Variants in KSR2 observed in about 807,000 individuals in gnomAD.
The protein encoded by KSR2 is kinase suppressor of ras 2.
A neutral mutation model predicts 107.8 loss-of-function variants in KSR2; 25 were observed. That is an observed-to-expected ratio of 0.23 (90% confidence interval 0.17 to 0.32). KSR2 has a LOEUF of 0.32. Ranked by LOEUF, KSR2 falls within the 10% of genes least tolerant of loss-of-function variation. The pLI is 1.00. For missense variants in KSR2, 887 were observed against 1,268.9 expected (o/e 0.70, Z 4.57); for synonymous variants, 480 against 507.0 (o/e 0.95, Z 0.71).
At chr12:117,740,601 TAGATG>T (rs1260383329) in intron 4 of KSR2, among the ~76,000 whole-genome samples, 1,533 of 119,140 alleles carry the variant, frequency 0.013, 37 homozygotes, top group African/African-American at 0.04. Flanking sequence ...TATACATATA[TAGATG>T]TAAAATATAC....
Position 117,702,955 on chromosome 12 carries a change from G to A in KSR2, c.987-35297C>T, listed in dbSNP as rs538327262. On this transcript the variant is annotated intron_variant, in intron 4 of 19. Coordinates refer to ENST00000339824, the MANE Select transcript of KSR2 (RefSeq NM_173598.6). The stretch of plus-strand genomic sequence containing the variant: ...GGAGTGGAAGCCAGCCAGCTCCTCA[G>A]GGAGCCCAAGGGGGAAAATAGTGAG... Among the ~76,000 whole-genome samples, 8 of 152,312 alleles carry A rather than the reference G, an allele frequency of 5.3e-5. No individual in the cohort carries two copies. In the South Asian group the frequency reaches 1.2e-3, roughly 24 times the overall value.
chr12:117,640,473 A>G (rs1287987673), intron 5 of KSR2, among the ~76,000 whole-genome samples: 1 of 152,158 alleles, frequency 6.6e-6, no homozygotes, highest in African/African-American at 2.4e-5. Context: ...CTGGTCTCAA[A>G]CTTCTGACCT....
intron 5 of KSR2, among the ~76,000 whole-genome samples, chr12:117,647,304 A>G (rs1251003607): frequency 6.6e-6 from 1 of 152,198 alleles, no homozygotes; most frequent in Non-Finnish European, 1.5e-5. Flanking sequence ...GAGACCTTCA[A>G]CAGAGCAGCA....
chr12:117,948,715 A>C (rs1896270827), intron 1 of KSR2, among the ~76,000 whole-genome samples: 1 of 152,222 alleles, frequency 6.6e-6, no homozygotes. Flanking sequence ...ACACACACAA[A>C]AAATGAATTT....
intron 1 of KSR2, among the ~76,000 whole-genome samples, chr12:117,916,726 G>A (rs959376659): frequency 1.3e-5 from 2 of 152,144 alleles, no homozygotes; most frequent in Non-Finnish European, 2.9e-5. Flanking sequence ...ACTAAGCCAC[G>A]AAAGACACAT....
intron 3 of KSR2, among the ~76,000 whole-genome samples, chr12:117,841,107 G>C (rs568233258): frequency 6.6e-6 from 1 of 151,996 alleles, no homozygotes; most frequent in African/African-American, 2.4e-5. Context: ...CTTCTCACAC[G>C]AGTGTATAAG....
chr12:117,645,498 G>A (rs151243339), intron 5 of KSR2, among the ~76,000 whole-genome samples: 47 of 152,344 alleles, frequency 3.1e-4, no homozygotes, highest in African/African-American at 8.9e-4. Flanking sequence ...AGTTAGCTAA[G>A]TAAGAAATCA....
chr12:117,941,792 A>ATTTTT (rs542293863), intron 1 of KSR2, among the ~76,000 whole-genome samples: 1 of 97,792 alleles, frequency 1.0e-5, no homozygotes, highest in African/African-American at 4.1e-5. Flanking sequence ...GGCCTGGCTA[A>ATTTTT]TTTTTTTTTT....
intron 3 of KSR2, among the ~76,000 whole-genome samples, chr12:117,826,944 G>A (rs1440896309): frequency 2.0e-5 from 3 of 150,956 alleles, no homozygotes; most frequent in Admixed American, 6.6e-5. Flanking sequence ...AAAATTAGCC[G>A]GGCATAGAGG....
chr12:117,510,328 T>C (rs1428219118), intron 14 of KSR2, among the ~76,000 whole-genome samples: 7 of 152,232 alleles, frequency 4.6e-5, no homozygotes, highest in Non-Finnish European at 1.0e-4. Context: ...GGTTACTTTA[T>C]GAAGAATTTT....
intron 3 of KSR2, among the ~76,000 whole-genome samples, chr12:117,817,469 G>T (rs967758505): frequency 6.6e-6 from 1 of 152,060 alleles, no homozygotes; most frequent in African/African-American, 2.4e-5. Flanking sequence ...AAAAGGAAAA[G>T]GTTGGCAGGA....
chr12:117,848,841 G>GGTGGTGATGGTGGTGATGGTGA (rs1892811014), intron 3 of KSR2, among the ~76,000 whole-genome samples: 85 of 141,864 alleles, frequency 6.0e-4, no homozygotes, highest in Middle Eastern at 7.1e-3. Context: ...GGTAGTGGTG[G>GGTGGTGATGGTGGTGATGGTGA]TGATGGTGAT....
Position 117,518,009 on chromosome 12 carries a change from C to G in KSR2, c.2219+6843G>C, listed in dbSNP as rs367603348. On this transcript the variant is annotated intron_variant, in intron 14 of 19. Transcript: ENST00000339824. ...TATTTGAAAGCATGGAAAACAGGAA[C>G]TGATTTGGAGTTGGAAATAAATAAT... is the stretch of plus-strand genomic sequence containing the variant. 9.8e-5 allele frequency among the ~76,000 whole-genome samples: 15 copies of G among 152,286 alleles called. No individual in the cohort carries two copies. The East Asian group carries it at 2.5e-3, about 25-fold the overall frequency.
chr12:117,827,888 C>T (rs546909501), intron 3 of KSR2, among the ~76,000 whole-genome samples: 2 of 152,322 alleles, frequency 1.3e-5, no homozygotes, highest in East Asian at 3.9e-4. Context: ...CAATCCTCAG[C>T]CAACTAATTC....
At chr12:117,786,115 T>TGACAGGAG (rs768895253) in intron 3 of KSR2, among the ~76,000 whole-genome samples, 13 of 152,190 alleles carry the variant, frequency 8.5e-5, no homozygotes, top group Non-Finnish European at 1.6e-4. Flanking sequence ...ACAACTTGAA[T>TGACAGGAG]GACAGGAGAT....
chr12:117,547,462 G>T (rs1234473421), intron 9 of KSR2, among the ~76,000 whole-genome samples: 1 of 152,096 alleles, frequency 6.6e-6, no homozygotes, highest in Non-Finnish European at 1.5e-5. Flanking sequence ...GGTGAGGGGG[G>T]TGTTCCTTCC....
At chr12:117,641,263 A>G (rs1285885841) in intron 5 of KSR2, among the ~76,000 whole-genome samples, 1 of 152,014 alleles carries the variant, frequency 6.6e-6, no homozygotes, top group Admixed American at 6.5e-5. Context: ...CGCCCAGCTA[A>G]TTTTTGTATT....
chr12:117,607,419 G>A (rs1050963980), intron 5 of KSR2, among the ~76,000 whole-genome samples: 5 of 152,176 alleles, frequency 3.3e-5, no homozygotes, highest in African/African-American at 4.8e-5. Context: ...GCTGGTAGGA[G>A]GCAAAGCCAG....
At chr12:117,810,634 T>C (rs1443767557) in intron 3 of KSR2, among the ~76,000 whole-genome samples, 1 of 152,200 alleles carries the variant, frequency 6.6e-6, no homozygotes, top group Non-Finnish European at 1.5e-5. Flanking sequence ...TTAAAGGTGA[T>C]ATCCGACTGG....
Sources: allele counts gnomAD v4.1 joint callset (sites outside exome capture counted in the v4.1 genomes callset), GRCh38; gene constraint gnomAD v4.1.1; transcripts MANE v1.5; gene names NCBI Gene and HGNC (gene_info 2026-07-23, HGNC 2026-07-21).